The following FARS2 variants were observed in gnomAD, a reference collection of about 807,000 sequenced individuals.
FARS2 encodes phenylalanyl-tRNA synthetase 2, mitochondrial.
FARS2 carries 40 observed loss-of-function variants against 46.4 expected under a neutral mutation model. That is an observed-to-expected ratio of 0.86 (90% CI 0.67 to 1.12). The LOEUF (loss-of-function observed/expected upper bound fraction) is 1.12, where lower values mean the gene tolerates loss of function less well. FARS2 is among the 50% of genes most tolerant of loss of function. The pLI is 0.00. For missense variants in FARS2, 513 were observed against 567.9 expected, an observed-to-expected ratio of 0.90 and a Z score of 0.98; for synonymous variants, 234 against 214.9, an observed-to-expected ratio of 1.09 and a Z score of -0.78.
intron 3 of FARS2, among the ~76,000 whole-genome samples, chr6:5,418,486 A>C (rs1762365744): frequency 6.6e-6 from 1 of 152,186 alleles, no homozygotes; most frequent in East Asian, 1.9e-4. Flanking sequence ...TAACCCGTGA[A>C]TTATGAGGTT....
Position 5,764,374 on chromosome 6 carries a change from C to G in FARS2, c.1218-6917C>G, listed in dbSNP as rs531576626. ...CCTCACTTCCTCCTCCTCCTCCTGC[C>G]TTACTGTGCCTCTTGCCCGAGTCCA... On this transcript the variant is annotated intron_variant, in intron 6 of 6. Coordinates refer to ENST00000274680, the MANE Select transcript of FARS2 (RefSeq NM_006567.5). This position sits in a 1 kb window ranked among gnomAD's most constrained non-coding sequence, Gnocchi z 4.1. Among the ~76,000 whole-genome samples the G allele has an allele frequency of 6.6e-6, 1 of 152,296 alleles. No individual in the cohort carries two copies. Among genetic ancestry groups the G allele is most frequent in the Non-Finnish European group, 1.5e-5 (1 of 68,022 alleles).
At chr6:5,753,459 A>G (rs1762054644) in intron 6 of FARS2, among the ~76,000 whole-genome samples, 1 of 152,108 alleles carries the variant, frequency 6.6e-6, no homozygotes, top group Admixed American at 6.5e-5. Flanking sequence ...TGTTTTTGTC[A>G]TTGGAATAGA....
rs951222730 is a variant in FARS2 at position 5,444,144 on chromosome 6, C to T, written c.904+12972C>T. Among the ~76,000 whole-genome samples the T allele has an allele frequency of 9.3e-5, 14 of 150,028 alleles. No individual in the cohort carries two copies. The East Asian group carries it at 1.8e-3, about 19-fold the overall frequency. Reference sequence around the variant, plus strand: ...GTGTGTGTATGTGTGCATGCACGCACGTGCATATGTTCGCAATATAATCTT... The same window carrying T: ...GTGTGTGTATGTGTGCATGCACGCATGTGCATATGTTCGCAATATAATCTT... On this transcript the variant is annotated intron_variant, in intron 4 of 6. Transcript: ENST00000274680.
chr6:5,696,178 T>A (rs186824767), intron 6 of FARS2, among the ~76,000 whole-genome samples: 1 of 152,332 alleles, frequency 6.6e-6, no homozygotes, highest in African/African-American at 2.4e-5. Flanking sequence ...GACTCAGCAT[T>A]TATTTATTCC....
intron 1 of FARS2, among the ~76,000 whole-genome samples, chr6:5,349,792 A>G (rs1757456928): frequency 1.3e-5 from 2 of 151,806 alleles, no homozygotes; most frequent in African/African-American, 4.8e-5. Context: ...GACTTTGACA[A>G]TTTAAAGAAG....
intron 4 of FARS2, among the ~76,000 whole-genome samples, chr6:5,444,145 G>A (rs146964407): frequency 8.3e-4 from 126 of 151,508 alleles, no homozygotes; most frequent in Non-Finnish European, 1.5e-3. Flanking sequence ...ATGCACGCAC[G>A]TGCATATGTT....
chr6:5,769,367 A>G (rs1762913371), intron 6 of FARS2, among the ~76,000 whole-genome samples: 1 of 151,998 alleles, frequency 6.6e-6, no homozygotes, highest in African/African-American at 2.4e-5. Context: ...ATAAGCTCCC[A>G]CTCCTGGAGA....
intron 1 of FARS2, among the ~76,000 whole-genome samples, chr6:5,352,707 C>T (rs1336138971): frequency 1.3e-5 from 2 of 151,918 alleles, no homozygotes; most frequent in African/African-American, 4.8e-5. Flanking sequence ...GCTCGACTAG[C>T]CTTGAGAGCT....
At position 5,609,920 on chromosome 6, in the gene FARS2, C is replaced by A. The variant is rs149327087; in HGVS notation, c.1066-3249C>A. 217 of 1,202,788 alleles carry A rather than the reference C, an allele frequency of 1.8e-4. No individual in the cohort carries two copies. In the East Asian group the frequency reaches 3.6e-3, roughly 20 times the overall value. The allele number at this position is 1,202,788 out of a possible 1,614,324, so 74.5% of individuals were successfully genotyped here. On this transcript the variant is annotated intron_variant, in intron 5 of 6. Transcript: ENST00000274680. The stretch of plus-strand genomic sequence containing the variant: ...AAGTGGGCATCTGGTGTTTGAGAAT[C>A]TTCTCTTGAGACAGCTCTCTTTGGT...
chr6:5,734,413 G>A (rs954720644), intron 6 of FARS2, among the ~76,000 whole-genome samples: 1 of 152,202 alleles, frequency 6.6e-6, no homozygotes, highest in African/African-American at 2.4e-5. Flanking sequence ...TGTTTCCACT[G>A]TGACATAAAG....
At chr6:5,498,143 T>C (rs1767580634) in intron 4 of FARS2, among the ~76,000 whole-genome samples, 1 of 152,242 alleles carries the variant, frequency 6.6e-6, no homozygotes, top group Admixed American at 6.5e-5. Context: ...TTTCATTGAA[T>C]GGAATCTAGG....
intron 6 of FARS2, among the ~76,000 whole-genome samples, chr6:5,619,392 G>C (rs2150690246): frequency 6.6e-6 from 1 of 152,216 alleles, no homozygotes; most frequent in East Asian, 1.9e-4. Context: ...ACCCGATTCT[G>C]CTCATAGACT....
intron 1 of FARS2, among the ~76,000 whole-genome samples, chr6:5,351,161 A>G (rs1434130475): frequency 6.6e-6 from 1 of 152,176 alleles, no homozygotes; most frequent in Admixed American, 6.5e-5. Flanking sequence ...AGCTGTCTCC[A>G]CCAGCCTGTG....
chr6:5,544,278 A>G (rs1276739814), intron 4 of FARS2, among the ~76,000 whole-genome samples: 1 of 152,236 alleles, frequency 6.6e-6, no homozygotes, highest in Non-Finnish European at 1.5e-5. Context: ...TCACAGGCTT[A>G]AATTCCCATT....
chr6:5,596,640 T>C (rs1304345067), intron 5 of FARS2, among the ~76,000 whole-genome samples: 3 of 152,196 alleles, frequency 2.0e-5, no homozygotes, highest in African/African-American at 7.2e-5. Context: ...AAAAGCTACT[T>C]TTCCAGATTC....
intron 1 of FARS2, among the ~76,000 whole-genome samples, chr6:5,302,765 A>T (rs1191685375): frequency 6.6e-6 from 1 of 152,144 alleles, no homozygotes; most frequent in Non-Finnish European, 1.5e-5. Context: ...GAGTCGGCTC[A>T]CGGTGCAGAA....
At chr6:5,678,059 G>C (rs561389604) in intron 6 of FARS2, among the ~76,000 whole-genome samples, 41 of 152,322 alleles carry the variant, frequency 2.7e-4, no homozygotes, top group African/African-American at 8.2e-4. Context: ...CCGAGGCTTT[G>C]AGCTGAGCAA....
chr6:5,594,821 C>T (rs1017112322), intron 5 of FARS2, among the ~76,000 whole-genome samples: 4 of 152,126 alleles, frequency 2.6e-5, no homozygotes, highest in African/African-American at 4.8e-5. Flanking sequence ...TCGATGAGGC[C>T]GATGCTGTGA....
intron 1 of FARS2, among the ~76,000 whole-genome samples, chr6:5,323,854 C>T (rs1205179673): frequency 6.6e-6 from 1 of 152,206 alleles, no homozygotes. Flanking sequence ...CTAAGGTCAG[C>T]ATGACCATAA....
Sources: gnomAD v4.1 joint callset for allele counts (sites outside exome capture counted in the v4.1 genomes callset) on GRCh38, gnomAD v4.1.1 for gene constraint, Gnocchi (gnomAD v3.1) non-coding constraint, MANE v1.5 for transcripts, NCBI Gene and HGNC (gene_info 2026-07-23, HGNC 2026-07-21) for gene names.